COL25A1: variants seen among roughly 807,000 people sequenced by gnomAD.
The protein encoded by COL25A1 is collagen alpha-1(XXV) chain.
COL25A1 carries 103 observed loss-of-function variants against 128.4 expected under a neutral mutation model. That is an observed-to-expected ratio of 0.80 (90% CI 0.68 to 0.94). COL25A1 has a LOEUF of 0.94. Among genes scored for constraint, COL25A1 ranks in the 40% least tolerant of loss-of-function variants. The pLI is 0.00. For missense variants in COL25A1, 745 were observed against 840.0 expected, an observed-to-expected ratio of 0.89 and a Z score of 1.40; for synonymous variants, 279 against 277.2, an observed-to-expected ratio of 1.01 and a Z score of -0.06.
In COL25A1 at chr4:109,021,029, C is replaced by T. The variant is rs528215947; in HGVS notation, c.421-10654G>A. Among the ~76,000 whole-genome samples, 401 of 152,294 alleles carry T rather than the reference C, an allele frequency of 2.6e-3. 4 individuals are homozygous for T. Among genetic ancestry groups the T allele is most frequent in the Non-Finnish European group, 4.3e-3 (295 of 68,020 alleles). On this transcript the variant is annotated intron_variant, in intron 5 of 37. Transcript: ENST00000399132. ...AGGGATACATGGTGCAATACTCTCT[C>T]GATGTTGGGCAGCAGCCGCATGCCG...
At chr4:109,108,490 T>A (rs1351885380) in intron 3 of COL25A1, among the ~76,000 whole-genome samples, 1 of 152,092 alleles carries the variant, frequency 6.6e-6, no homozygotes, top group South Asian at 2.1e-4. Flanking sequence ...GCAATAAACA[T>A]ACGTGTGCAT....
chr4:108,858,480 A>C lies in COL25A1; in HGVS notation c.1320+1176T>G, dbSNP rs149981915. Among the ~76,000 whole-genome samples the C allele has an allele frequency of 2.4e-3, 358 of 152,298 alleles. 13 individuals are homozygous for C. The East Asian group carries it at 0.054, about 23-fold the overall frequency. ...CTAAGAATAGTTTAAAAATGACTCT[A>C]AACTTTCTATTCCCTCAAAATTCAG... On this transcript the variant is annotated intron_variant, in intron 24 of 37. Transcript: ENST00000399132.
At chr4:109,021,883 G>C in intron 5 of COL25A1, 1 of 373,070 alleles carries the variant, frequency 2.7e-6, no homozygotes, top group Non-Finnish European at 5.3e-6. Flanking sequence ...ACTAGGATTG[G>C]GAAACCCCAG....
At chr4:109,080,172 C>T (rs769677748) in intron 3 of COL25A1, among the ~76,000 whole-genome samples, 1 of 152,050 alleles carries the variant, frequency 6.6e-6, no homozygotes, top group Non-Finnish European at 1.5e-5. Context: ...ATCCTTACCT[C>T]AATTTATATG....
intron 9 of COL25A1, 59 bp downstream of exon 9, chr4:108,941,307 T>A: frequency 7.3e-7 from 1 of 1,364,834 alleles, no homozygotes; most frequent in Non-Finnish European, 1.0e-6. Flanking sequence ...AAGCAATAGG[T>A]ACACAGAGCA....
At chr4:109,020,508 G>C (rs1301907511) in intron 5 of COL25A1, among the ~76,000 whole-genome samples, 3 of 250 alleles carry the variant, frequency 0.012, no homozygotes, top group Admixed American at 0.11. Flanking sequence ...GATTATTATG[G>C]GGGGGGGGGG....
intron 34 of COL25A1, 126 bp downstream of exon 34, chr4:108,825,070 A>G (rs563183136): frequency 3.0e-6 from 2 of 659,106 alleles, no homozygotes; most frequent in African/African-American, 3.7e-5. Flanking sequence ...GTTTACATGC[A>G]CAGCAATATA....
chr4:109,135,566 C>G lies in COL25A1; in HGVS notation c.368-85387G>C, dbSNP rs188473638. 9.9e-5 allele frequency among the ~76,000 whole-genome samples: 15 copies of G among 152,230 alleles called. No homozygotes were observed. The East Asian group carries it at 2.9e-3, about 29-fold the overall frequency. Reference sequence around the variant, plus strand: ...TCTGAATGTGCTGTCAACCTTCAACCCAAGTGAGGACAGCTTGAGGACAGC... The same window carrying G: ...TCTGAATGTGCTGTCAACCTTCAACGCAAGTGAGGACAGCTTGAGGACAGC... On this transcript the variant is annotated intron_variant, in intron 3 of 37. Coordinates refer to ENST00000399132, the MANE Select transcript of COL25A1 (RefSeq NM_198721.4).
In COL25A1 at chr4:109,065,071, T is replaced by C. The variant is rs114026745; in HGVS notation, c.368-14892A>G. Among the ~76,000 whole-genome samples the C allele has an allele frequency of 4.1e-3, 620 of 152,272 alleles. 4 individuals carry two copies. The highest frequency in any genetic ancestry group is 0.014 in the African/African-American group (602 of 41,564). On this transcript the variant is annotated intron_variant, in intron 3 of 37. Transcript: ENST00000399132. ...CGGGAGTCATAATGAATGAGAGCAA[T>C]GTGCTCTGCTCCTTTTGGGCTCATC...
intron 3 of COL25A1, among the ~76,000 whole-genome samples, chr4:109,086,548 A>T (rs1764395991): frequency 6.6e-6 from 1 of 152,234 alleles, no homozygotes; most frequent in Non-Finnish European, 1.5e-5. Context: ...CATTTAAAAT[A>T]TTCAAAAATA....
At chr4:108,955,297 T>G (rs1749941654) in intron 8 of COL25A1, among the ~76,000 whole-genome samples, 1 of 152,128 alleles carries the variant, frequency 6.6e-6, no homozygotes, top group Admixed American at 6.5e-5. Context: ...TTCATAAACT[T>G]TAATTGTTCA....
chr4:109,000,131 T>G (rs1324349893), intron 6 of COL25A1, among the ~76,000 whole-genome samples: 1 of 151,270 alleles, frequency 6.6e-6, no homozygotes, highest in Non-Finnish European at 1.5e-5. Context: ...AAAAAAGCTC[T>G]GCAAAAAAAA....
In COL25A1 at chr4:109,022,606, G is replaced by A. The variant is rs372287028; in HGVS notation, c.421-12231C>T. On this transcript the variant is annotated intron_variant, in intron 5 of 37. Transcript: ENST00000399132. ...CAAGACATGGCCAGTTCCAACACTT[G>A]AAAATGCATCATAATTTTCATAATA... Among the ~76,000 whole-genome samples the A allele has an allele frequency of 5.3e-5, 8 of 152,286 alleles. No homozygotes were observed. The East Asian group carries it at 1.5e-3, about 29-fold the overall frequency.
chr4:109,246,742 T>C (rs1780293185), intron 3 of COL25A1, among the ~76,000 whole-genome samples: 2 of 152,174 alleles, frequency 1.3e-5, no homozygotes. Flanking sequence ...GTTAAACTTC[T>C]TCATTAATTT....
At chr4:109,102,791 T>C (rs1423936366) in intron 3 of COL25A1, among the ~76,000 whole-genome samples, 2 of 152,174 alleles carry the variant, frequency 1.3e-5, no homozygotes, top group Non-Finnish European at 2.9e-5. Context: ...ATAAAATCTA[T>C]TTTGATTTTA....
chr4:109,239,075 G>A (rs1434085232), intron 3 of COL25A1, among the ~76,000 whole-genome samples: 2 of 151,906 alleles, frequency 1.3e-5, no homozygotes, highest in Non-Finnish European at 2.9e-5. Flanking sequence ...TCTACTGATG[G>A]AAATCTTTGA....
At position 108,982,447 on chromosome 4, in the gene COL25A1, A is replaced by T. The variant is rs77309514; in HGVS notation, c.439-7888T>A. ...GCCCTAGAACCACCTAGTCACCCGT[A>T]GCATAGAGTAGGTGCCCAACCAGTT... On this transcript the variant is annotated intron_variant, in intron 6 of 37. Transcript: ENST00000399132. 4.9e-3 allele frequency among the ~76,000 whole-genome samples: 740 copies of T among 152,308 alleles called. 16 individuals carry two copies. In the East Asian group the frequency reaches 0.067, roughly 14 times the overall value.
At chr4:109,146,028 A>C (rs1770909736) in intron 3 of COL25A1, among the ~76,000 whole-genome samples, 1 of 152,222 alleles carries the variant, frequency 6.6e-6, no homozygotes, top group Non-Finnish European at 1.5e-5. Flanking sequence ...ATCAAAATTA[A>C]TGTGAACTTA....
chr4:109,072,302 C>T (rs1297288183), intron 3 of COL25A1, among the ~76,000 whole-genome samples: 1 of 152,042 alleles, frequency 6.6e-6, no homozygotes, highest in Non-Finnish European at 1.5e-5. Flanking sequence ...ACGATGTTAC[C>T]TTAATTTAAC....
Sources: allele counts gnomAD v4.1 joint callset (sites outside exome capture counted in the v4.1 genomes callset), GRCh38; gene constraint gnomAD v4.1.1; transcripts MANE v1.5; gene names NCBI Gene and HGNC (gene_info 2026-07-23, HGNC 2026-07-21).